Variants in TENM2 observed in about 807,000 individuals in gnomAD.
TENM2 encodes teneurin-2.
A neutral mutation model predicts 245.2 loss-of-function variants in TENM2; 52 were observed. The observed-to-expected ratio is 0.21, with a 90% CI of 0.17 to 0.27. The LOEUF is 0.27. TENM2 is among the 10% of genes least tolerant of loss of function. TENM2 has a pLI of 1.00. For synonymous variants in TENM2, 1,363 were observed against 1,438.9 expected (o/e 0.95, Z 1.19); for missense variants, 3,046 against 3,666.8 (o/e 0.83, Z 4.37).
At position 167,395,607 on chromosome 5, in the gene TENM2, C is replaced by G. The variant is rs192386861; in HGVS notation, c.502+20134C>G. Among the ~76,000 whole-genome samples, 10 of 152,164 alleles carry G rather than the reference C, an allele frequency of 6.6e-5. No homozygotes were observed. The East Asian group carries it at 1.7e-3, about 26-fold the overall frequency. ...TTAGAAGGAAAGTTTTTGGTTTTTA[C>G]AAAGAAGACATTCAAATGGCCAAAA... On this transcript the variant is annotated intron_variant, in intron 2 of 28. Transcript: ENST00000518659.
Position 167,770,838 on chromosome 5 carries a change from C to G in TENM2, c.503-105148C>G, listed in dbSNP as rs546866029. Among the ~76,000 whole-genome samples, 9 of 152,184 alleles carry G rather than the reference C, an allele frequency of 5.9e-5. No individual in the cohort carries two copies. In the South Asian group the frequency reaches 1.9e-3, roughly 32 times the overall value. On this transcript the variant is annotated intron_variant, in intron 2 of 28. Coordinates refer to ENST00000518659, the Ensembl canonical transcript of TENM2. ...CACTGAATCCTGGGTCTCTAAGACT[C>G]AGAGGGGGGCTTAAAATGAGGGTTT...
At chr5:167,152,240 T>C in the TENM2 span, among the ~76,000 whole-genome samples, 3 of 152,238 alleles carry the variant, frequency 2.0e-5, no homozygotes, top group Non-Finnish European at 4.4e-5. Flanking sequence ...ATGAAGCTTA[T>C]TCACATTTAC....
intron 2 of TENM2, among the ~76,000 whole-genome samples, chr5:167,538,349 T>G (rs1771983560): frequency 1.3e-5 from 2 of 152,214 alleles, no homozygotes; most frequent in African/African-American, 4.8e-5. Flanking sequence ...TTGATACAGT[T>G]TAAATAGGCT....
intron 2 of TENM2, among the ~76,000 whole-genome samples, chr5:167,418,122 G>C (rs1763268168): frequency 6.6e-6 from 1 of 152,098 alleles, no homozygotes. Context: ...CTGAGGTCAG[G>C]AGTTCGAGAA....
intron 2 of TENM2, among the ~76,000 whole-genome samples, chr5:167,465,683 T>A (rs1265447431): frequency 1.3e-5 from 2 of 152,042 alleles, no homozygotes; most frequent in Admixed American, 6.6e-5. Flanking sequence ...CAAAAAAAAT[T>A]AGCCGGGCTT....
rs145001465 is a variant in TENM2, at chr5:168,183,145, C to A, written c.2570-7192C>A. Among the ~76,000 whole-genome samples the A allele has an allele frequency of 4.6e-3, 698 of 152,196 alleles. 7 individuals are homozygous for A. Among genetic ancestry groups the A allele is most frequent in the African/African-American group, 0.016 (652 of 41,550 alleles). ...GCCCCCGGCCCAGGGTACTCTTTGA[C>A]CCTCTGCCACCCCTCACCCCCACTC... On this transcript the variant is annotated intron_variant, in intron 13 of 28. Transcript: ENST00000518659.
At chr5:167,114,111 A>G in the TENM2 span, among the ~76,000 whole-genome samples, 1 of 152,006 alleles carries the variant, frequency 6.6e-6, no homozygotes, top group Non-Finnish European at 1.5e-5. Context: ...ACCACCAAAA[A>G]GAGCCACATC....
At chr5:167,995,158 C>T (rs1282806756) in intron 5 of TENM2, among the ~76,000 whole-genome samples, 2 of 152,174 alleles carry the variant, frequency 1.3e-5, no homozygotes, top group Non-Finnish European at 2.9e-5. Context: ...GCGCCTTCTA[C>T]TCTACTTCCA....
intron 2 of TENM2, among the ~76,000 whole-genome samples, chr5:167,714,944 A>G (rs891168765): frequency 6.6e-6 from 1 of 152,190 alleles, no homozygotes; most frequent in Admixed American, 6.5e-5. Flanking sequence ...TAATTAATTG[A>G]AAACCTTCTA....
chr5:167,811,922 G>A (rs978448122), intron 2 of TENM2, among the ~76,000 whole-genome samples: 14 of 152,106 alleles, frequency 9.2e-5, no homozygotes, highest in African/African-American at 3.1e-4. Context: ...GCTTTGCAGA[G>A]AACAAATTAT....
chr5:167,219,323 A>G, the TENM2 span, among the ~76,000 whole-genome samples: 516 of 146,970 alleles, frequency 3.5e-3, 4 homozygotes, highest in African/African-American at 0.013. Flanking sequence ...AAACAAACAA[A>G]CAAACAAGCA....
At chr5:167,075,041 T>C in the TENM2 span, among the ~76,000 whole-genome samples, 3 of 152,146 alleles carry the variant, frequency 2.0e-5, no homozygotes, top group African/African-American at 7.2e-5. Context: ...CTTAAGGAAC[T>C]CTAACCAAGT....
chr5:167,024,151 G>C, the TENM2 span, among the ~76,000 whole-genome samples: 1 of 152,160 alleles, frequency 6.6e-6, no homozygotes, highest in South Asian at 2.1e-4. Flanking sequence ...TTTAAGAATA[G>C]AGATTTACCA....
the TENM2 span, among the ~76,000 whole-genome samples, chr5:167,173,195 G>A: frequency 2.0e-5 from 3 of 152,136 alleles, no homozygotes; most frequent in Non-Finnish European, 4.4e-5. Context: ...ATTTACCTTG[G>A]ACTGTGCTCT....
the TENM2 span, among the ~76,000 whole-genome samples, chr5:167,049,442 G>C: frequency 6.6e-6 from 1 of 152,124 alleles, no homozygotes; most frequent in Non-Finnish European, 1.5e-5. Context: ...TGTTACAATA[G>C]TATTAATATG....
intron 2 of TENM2, among the ~76,000 whole-genome samples, chr5:167,856,795 T>C (rs1030484995): frequency 3.3e-5 from 5 of 152,196 alleles, no homozygotes; most frequent in South Asian, 2.1e-4. Context: ...TGCCAAAACA[T>C]TGTCTACAGC....
At chr5:167,050,697 C>G in the TENM2 span, among the ~76,000 whole-genome samples, 1 of 152,128 alleles carries the variant, frequency 6.6e-6, no homozygotes. Flanking sequence ...CTGAGAACAG[C>G]AAAGATTCCT....
At chr5:168,111,040 A>G (rs1794634932) in intron 9 of TENM2, among the ~76,000 whole-genome samples, 1 of 152,212 alleles carries the variant, frequency 6.6e-6, no homozygotes, top group Non-Finnish European at 1.5e-5. Context: ...AACACACCCC[A>G]GCATGCTCTG....
intron 2 of TENM2, among the ~76,000 whole-genome samples, chr5:167,458,495 A>AG (rs1766068428): frequency 9.3e-5 from 1 of 10,762 alleles, no homozygotes; most frequent in Non-Finnish European, 2.6e-4. Context: ...TCAAAAAAAC[A>AG]AAAAAAAAAA....
Sources: allele counts gnomAD v4.1 joint callset (sites outside exome capture counted in the v4.1 genomes callset), GRCh38; gene constraint gnomAD v4.1.1; transcripts MANE v1.5; gene names NCBI Gene and HGNC (gene_info 2026-07-23, HGNC 2026-07-21).